AMPH: variants seen among roughly 807,000 people sequenced by gnomAD.
The protein encoded by AMPH is amphiphysin.
A neutral mutation model predicts 99.1 loss-of-function variants in AMPH; 49 were observed. The observed-to-expected ratio is 0.49, with a 90% CI of 0.39 to 0.63. The LOEUF is 0.63. AMPH is among the 20% of genes least tolerant of loss of function. AMPH has a pLI of 0.00. For missense variants in AMPH, 759 were observed against 863.4 expected (o/e 0.88, Z 1.52); for synonymous variants, 314 against 317.3 (o/e 0.99, Z 0.11).
chr7:38,587,037 ACAT>A (rs1792679536), intron 1 of AMPH, among the ~76,000 whole-genome samples: 5 of 136,696 alleles, frequency 3.7e-5, no homozygotes, highest in Non-Finnish European at 6.5e-5. Context: ...ACACACACAC[ACAT>A]AAAATCCACA....
chr7:38,420,907 C>G (rs1453150086), intron 16 of AMPH: 1 of 454,676 alleles, frequency 2.2e-6, no homozygotes, highest in Admixed American at 2.4e-5. Flanking sequence ...AACTTCACCC[C>G]CTACCTCGCT....
Position 38,393,992 on chromosome 7 carries a change from A to G in AMPH, c.1608+13T>C. The G allele has an allele frequency of 6.2e-7, 1 of 1,614,102 alleles. No homozygotes were observed. The highest frequency in any genetic ancestry group is 8.5e-7 in the Non-Finnish European group (1 of 1,179,960). On this transcript the variant is annotated intron_variant, in intron 18 of 20. Coordinates refer to ENST00000356264, the MANE Select transcript of AMPH (RefSeq NM_001635.4). ...TCCCAGGAGCTCCCCTGGCTGCGAC[A>G]TGGGACACTCACCTGAGGCACTGTT...
chr7:38,627,293 C>T (rs1441288058), intron 1 of AMPH, among the ~76,000 whole-genome samples: 1 of 150,872 alleles, frequency 6.6e-6, no homozygotes, highest in East Asian at 1.9e-4. Flanking sequence ...CCTATAATCC[C>T]AGCACTTTGG....
rs1343477766 is a variant in AMPH, at chr7:38,463,023, T to C, written c.840A>G (p.Thr280=). The change falls in exon 10 of 21, where the codon ACA becomes ACG. Residue 280 remains threonine, a synonymous_variant. Coordinates refer to ENST00000356264, the MANE Select transcript of AMPH (RefSeq NM_001635.4). The part of the protein sequence containing the change: ...LPSPTASPNH[T]LAPASPAPAR... ...CTGGTGCGGGAGACGCAGGTGCTAA[T>C]GTATGATTTGGACTTGCTGTCGGGC... 1 of 1,608,610 alleles carries C rather than the reference T, an allele frequency of 6.2e-7. No homozygotes were observed. The highest frequency in any genetic ancestry group is 8.5e-7 in the Non-Finnish European group (1 of 1,177,596).
intron 17 of AMPH, among the ~76,000 whole-genome samples, chr7:38,416,879 T>C (rs1785399653): frequency 1.3e-5 from 2 of 152,210 alleles, no homozygotes; most frequent in Non-Finnish European, 2.9e-5. Flanking sequence ...TTCTACTTGA[T>C]TAATGAACTG....
intron 1 of AMPH, among the ~76,000 whole-genome samples, chr7:38,584,046 C>A (rs1468573819): frequency 1.3e-5 from 2 of 152,146 alleles, no homozygotes; most frequent in Non-Finnish European, 2.9e-5. Flanking sequence ...TGCTTATAAC[C>A]AGTTTATTTT....
At chr7:38,584,654 A>G (rs1289071780) in intron 1 of AMPH, among the ~76,000 whole-genome samples, 1 of 152,234 alleles carries the variant, frequency 6.6e-6, no homozygotes, top group Non-Finnish European at 1.5e-5. Flanking sequence ...AAGGAAAAGA[A>G]CCTCCTAGAG....
chr7:38,466,724 A>G (rs1032074097), intron 7 of AMPH, among the ~76,000 whole-genome samples: 4 of 152,204 alleles, frequency 2.6e-5, no homozygotes, highest in South Asian at 2.1e-4. Flanking sequence ...TTTATAAACT[A>G]TAAATGGTCT....
chr7:38,420,948 G>A (rs769893125), intron 16 of AMPH: 11 of 456,422 alleles, frequency 2.4e-5, no homozygotes, highest in East Asian at 6.9e-5. Context: ...ACACTGGGGC[G>A]TTTTCTTGCT....
chr7:38,610,386 A>AAG (rs1192058655), intron 1 of AMPH, among the ~76,000 whole-genome samples: 1 of 132,338 alleles, frequency 7.6e-6, no homozygotes, highest in African/African-American at 3.1e-5. Flanking sequence ...AGGAAAGGAA[A>AAG]AGAAAAGAAA....
At chr7:38,573,443 A>T (rs1310970452) in intron 1 of AMPH, among the ~76,000 whole-genome samples, 1 of 152,232 alleles carries the variant, frequency 6.6e-6, no homozygotes, top group Non-Finnish European at 1.5e-5. Flanking sequence ...GGCTAATGAC[A>T]ACCAAAATAT....
intron 11 of AMPH, among the ~76,000 whole-genome samples, chr7:38,439,214 CCT>C (rs1250740892): frequency 6.6e-6 from 1 of 152,146 alleles, no homozygotes; most frequent in Non-Finnish European, 1.5e-5. Context: ...GTCAATGAAA[CCT>C]TTTTTTCTTT....
At position 38,565,396 on chromosome 7, in the gene AMPH, G is replaced by C. The variant is rs141693948; in HGVS notation, c.70-30385C>G. Reference sequence around the variant, plus strand: ...ACAGTTCTGCAGACTGGAAGTCTGAGATCGAGGTGCCATCAACTGTTTCCT... The same window carrying C: ...ACAGTTCTGCAGACTGGAAGTCTGACATCGAGGTGCCATCAACTGTTTCCT... On this transcript the variant is annotated intron_variant, in intron 1 of 20. Transcript: ENST00000356264. Among the ~76,000 whole-genome samples, 646 of 152,266 alleles carry C rather than the reference G, an allele frequency of 4.2e-3. 9 individuals are homozygous for C. Among genetic ancestry groups the C allele is most frequent in the African/African-American group, 0.015 (609 of 41,558 alleles).
chr7:38,447,513 A>C lies in AMPH; in HGVS notation c.1018-11125T>G, dbSNP rs559506727. ...AAGCATATCAGGTAAAAGAGATTTC[A>C]ATATATAACTATAGCCATAAAACAT... is the stretch of plus-strand genomic sequence containing the variant. On this transcript the variant is annotated intron_variant, in intron 11 of 20. Transcript: ENST00000356264. 6.0e-4 allele frequency among the ~76,000 whole-genome samples: 91 copies of C among 152,282 alleles called. 1 individual carries two copies. The highest frequency in any genetic ancestry group is 2.0e-4 in the Admixed American group (3 of 15,292).
intron 1 of AMPH, among the ~76,000 whole-genome samples, chr7:38,544,920 A>G (rs1790938156): frequency 6.6e-6 from 1 of 152,218 alleles, no homozygotes. Context: ...GAGATTCTTA[A>G]GAGATTCTTA....
At chr7:38,485,849 A>C (rs1276034227) in intron 5 of AMPH, among the ~76,000 whole-genome samples, 1 of 152,028 alleles carries the variant, frequency 6.6e-6, no homozygotes, top group African/African-American at 2.4e-5. Flanking sequence ...ATGTGTGGAA[A>C]TTAAACAACA....
intron 1 of AMPH, among the ~76,000 whole-genome samples, chr7:38,623,412 AT>A (rs1794136706): frequency 1.3e-5 from 2 of 152,228 alleles, no homozygotes; most frequent in Admixed American, 6.5e-5. Context: ...ATATGTTTGC[AT>A]TAATAAAAAA....
At chr7:38,430,678 A>C (rs1168394963) in intron 13 of AMPH, among the ~76,000 whole-genome samples, 3 of 152,238 alleles carry the variant, frequency 2.0e-5, no homozygotes, top group Admixed American at 2.0e-4. Context: ...ACAGAGTTGA[A>C]GTTAGAATTC....
At chr7:38,541,470 G>A (rs1441096479) in intron 1 of AMPH, among the ~76,000 whole-genome samples, 1 of 152,160 alleles carries the variant, frequency 6.6e-6, no homozygotes, top group Non-Finnish European at 1.5e-5. Flanking sequence ...CTTCGGTGTG[G>A]TTCATGGGCC....
Sources: gnomAD v4.1 joint callset for allele counts (sites outside exome capture counted in the v4.1 genomes callset) on GRCh38, gnomAD v4.1.1 for gene constraint, MANE v1.5 for transcripts, NCBI Gene and HGNC (gene_info 2026-07-23, HGNC 2026-07-21) for gene names.